CDH23: variants seen among roughly 807,000 people sequenced by gnomAD.
CDH23 encodes cadherin-23.
Under a neutral mutation model 317.1 loss-of-function variants are expected in CDH23, and 189 were observed. The observed-to-expected ratio is 0.60, with a 90% CI of 0.53 to 0.67. CDH23 has a LOEUF of 0.67. Among genes scored for constraint, CDH23 ranks in the 30% least tolerant of loss-of-function variants. The pLI is 0.00. For missense variants in CDH23, 4,401 were observed against 4,592.4 expected, an observed-to-expected ratio of 0.96 and a Z score of 1.20; for synonymous variants, 1,839 against 1,876.8, an observed-to-expected ratio of 0.98 and a Z score of 0.52.
At chr10:71,791,076 C>A (rs1841237346) in intron 46 of CDH23, 56 bp from the exon 47 acceptor site, 11 of 1,434,010 alleles carry the variant, frequency 7.7e-6, no homozygotes, top group African/African-American at 1.4e-5. Flanking sequence ...CTTGCCCTGT[C>A]TTCCCACCGC....
chr10:71,779,590 C>A (rs1207805687), intron 41 of CDH23, 143 bp downstream of exon 41: 2 of 611,426 alleles, frequency 3.3e-6, no homozygotes, highest in Non-Finnish European at 5.5e-6. Context: ...CCATCTATGA[C>A]AATGATGGAA....
At position 71,803,254 on chromosome 10, in the gene CDH23, G is replaced by A. The variant is rs769627991; in HGVS notation, c.7706G>A (p.Arg2569Gln). 78 of 1,597,470 alleles carry A rather than the reference G, an allele frequency of 4.9e-5. No homozygotes were observed. Among genetic ancestry groups the A allele is most frequent in the Admixed American group, 1.4e-4 (8 of 57,868 alleles). Residue 2569 changes from arginine (R) to glutamine (Q), a missense_variant, in exon 55 of 70, where the codon CGG becomes CAG. Around this residue, in one of 3 missense-constraint regions of CDH23, gnomAD observed 1,144 missense variants for 1,138.2 expected, o/e 1.01. Coordinates refer to ENST00000224721, the MANE Select transcript of CDH23 (RefSeq NM_022124.6). ...GACTCGGGCTTGGTGACCACACAGC[G>A]GCCACTGCAGTCCTACGAGAAGTTC... Reference protein sequence around the residue: ...DMDSGLVTTQRPLQSYEKFSL... With the variant: ...DMDSGLVTTQQPLQSYEKFSL...
chr10:71,422,553 G>A (rs1564569969), intron 1 of CDH23, among the ~76,000 whole-genome samples: 2 of 152,230 alleles, frequency 1.3e-5, no homozygotes, highest in Non-Finnish European at 2.9e-5. Context: ...GAAATGAGCA[G>A]CATGCTGAGG....
chr10:71,672,831 C>G (rs940897833), intron 14 of CDH23, among the ~76,000 whole-genome samples: 4 of 152,178 alleles, frequency 2.6e-5, no homozygotes, highest in Non-Finnish European at 2.9e-5. Context: ...CCCGTCCTGA[C>G]AGTCCAGAGC....
intron 3 of CDH23, among the ~76,000 whole-genome samples, chr10:71,506,473 G>A (rs768242987): frequency 3.9e-4 from 60 of 152,194 alleles, no homozygotes; most frequent in Non-Finnish European, 7.9e-4. Flanking sequence ...TTTCTCAGGT[G>A]GGAAGCAAAC....
chr10:71,448,930 CT>C (rs1850301190), intron 3 of CDH23, among the ~76,000 whole-genome samples: 1 of 152,142 alleles, frequency 6.6e-6, no homozygotes, highest in Non-Finnish European at 1.5e-5. Flanking sequence ...GGGGACTGGC[CT>C]TTTTCCTGCC....
At chr10:71,498,784 T>C (rs1853113261) in intron 3 of CDH23, among the ~76,000 whole-genome samples, 1 of 152,246 alleles carries the variant, frequency 6.6e-6, no homozygotes, top group South Asian at 2.1e-4. Flanking sequence ...CAGCAAATGA[T>C]GGTCCTTATT....
At chr10:71,745,026 A>G (rs1839821734) in intron 38 of CDH23, among the ~76,000 whole-genome samples, 1 of 152,282 alleles carries the variant, frequency 6.6e-6, no homozygotes, top group Admixed American at 6.5e-5. Context: ...CCATAGGGAC[A>G]TAGAGAAACT....
At chr10:71,678,027 C>A (rs560030294) in intron 16 of CDH23, among the ~76,000 whole-genome samples, 77 of 152,318 alleles carry the variant, frequency 5.1e-4, no homozygotes, top group Admixed American at 1.1e-3. Context: ...GAGTCAAATT[C>A]TTGGTCTGTG....
At chr10:71,653,769 C>T (rs940303745) in intron 14 of CDH23, among the ~76,000 whole-genome samples, 2 of 152,208 alleles carry the variant, frequency 1.3e-5, no homozygotes, top group Non-Finnish European at 2.9e-5. Flanking sequence ...TTAGCTGTGT[C>T]CTGACCCTCA....
rs75715088 is a variant in CDH23 at position 71,700,843 on chromosome 10, C to G, written c.2398-1179C>G. On this transcript the variant is annotated intron_variant, in intron 22 of 69. Coordinates refer to ENST00000224721, the MANE Select transcript of CDH23 (RefSeq NM_022124.6). ...GGAGTTCTCAGCCAGGGCAGCTCAT[C>G]TGTCTGTTCTGGTCTGGTGGCCCCA... is the stretch of plus-strand genomic sequence containing the variant. 8.7e-3 allele frequency among the ~76,000 whole-genome samples: 1,318 copies of G among 152,328 alleles called. 21 individuals carry two copies. Among genetic ancestry groups the G allele is most frequent in the African/African-American group, 0.03 (1,254 of 41,568 alleles).
At chr10:71,524,346 G>A (rs1382240374) in intron 6 of CDH23, among the ~76,000 whole-genome samples, 2 of 152,156 alleles carry the variant, frequency 1.3e-5, no homozygotes, top group Non-Finnish European at 2.9e-5. Context: ...CTTTAAGAGA[G>A]GAATTCCATG....
chr10:71,705,681 G>T (rs1865760592), intron 25 of CDH23, among the ~76,000 whole-genome samples: 1 of 152,186 alleles, frequency 6.6e-6, no homozygotes, highest in African/African-American at 2.4e-5. Flanking sequence ...GCCCTCTATT[G>T]GTGAAGGGAC....
intron 11 of CDH23, among the ~76,000 whole-genome samples, chr10:71,634,259 C>A (rs1416954567): frequency 6.6e-6 from 1 of 152,238 alleles, no homozygotes; most frequent in Admixed American, 6.5e-5. Flanking sequence ...CCAGAAGGGG[C>A]CCCAGAAGGA....
chr10:71,550,559 CAAAAAAAAAA>C (rs1222399834), intron 6 of CDH23, among the ~76,000 whole-genome samples: 1 of 45,762 alleles, frequency 2.2e-5, no homozygotes, highest in African/African-American at 9.2e-5. Flanking sequence ...GACCCTGTCT[CAAAAAAAAAA>C]AAAAAAAAGA....
intron 3 of CDH23, among the ~76,000 whole-genome samples, chr10:71,498,957 C>T (rs529677035): frequency 9.9e-5 from 15 of 152,260 alleles, no homozygotes; most frequent in African/African-American, 3.1e-4. Context: ...AGCTGCCTCC[C>T]ATGCTTATTG....
chr10:71,455,091 C>T (rs920403262), intron 3 of CDH23, among the ~76,000 whole-genome samples: 1 of 152,160 alleles, frequency 6.6e-6, no homozygotes, highest in Non-Finnish European at 1.5e-5. Flanking sequence ...ATCCTCCTGC[C>T]TTGGCCTCCC....
chr10:71,726,495 G>A (rs1254644205), intron 30 of CDH23, among the ~76,000 whole-genome samples: 1 of 152,186 alleles, frequency 6.6e-6, no homozygotes, highest in East Asian at 1.9e-4. Flanking sequence ...CACCTCCAAC[G>A]CTTTGCCCCA....
chr10:71,592,465 T>A (rs1564674822), intron 9 of CDH23, among the ~76,000 whole-genome samples: 1 of 152,310 alleles, frequency 6.6e-6, no homozygotes, highest in East Asian at 1.9e-4. Flanking sequence ...TGGTTCCTTC[T>A]AGAAACTCCA....
Sources: allele counts gnomAD v4.1 joint callset (sites outside exome capture counted in the v4.1 genomes callset), GRCh38; gene constraint gnomAD v4.1.1; regional missense constraint gnomAD v4.1.1; transcripts MANE v1.5; gene names NCBI Gene and HGNC (gene_info 2026-07-23, HGNC 2026-07-21).